SLC2A6: variants seen among roughly 807,000 people sequenced by gnomAD.
SLC2A6 encodes the protein solute carrier family 2 member 6.
In SLC2A6, 39 loss-of-function variants were observed where a neutral mutation model predicts 47.8. The observed-to-expected ratio is 0.82, with a 90% CI of 0.63 to 1.07. The LOEUF is 1.07. Ranked by LOEUF, SLC2A6 falls within the 50% of genes least tolerant of loss-of-function variation. SLC2A6 has a pLI of 0.00. For missense variants in SLC2A6, 650 were observed against 707.6 expected (o/e 0.92, Z 0.92); for synonymous variants, 346 against 324.1 (o/e 1.07, Z -0.73).
Position 133,477,127 on chromosome 9 carries a change from C to T in SLC2A6, c.370G>A (p.Ala124Thr). The part of the protein sequence containing the change: ...FSAVPSAAGY[A>T]LMAGAHGLWM... ...AGGCCGTGCGCACCCGCCATGAGCG[C>T]ATAGCCGGCCGCCGACGGCACAGCT... The change falls in exon 3 of 10, where the codon GCG becomes ACG. Residue 124 changes from alanine (A) to threonine (T), a missense_variant. Coordinates refer to ENST00000371899, the MANE Select transcript of SLC2A6 (RefSeq NM_017585.4). 1.3e-6 allele frequency: 2 copies of T among 1,549,470 alleles called. No individual in the cohort carries two copies. Among genetic ancestry groups the T allele is most frequent in the Non-Finnish European group, 8.7e-7 (1 of 1,146,504 alleles).
At position 133,474,074 on chromosome 9, in the gene SLC2A6, G is replaced by A. The variant is rs200040212; in HGVS notation, c.942C>T (p.Asp314=). 84 of 1,606,012 alleles carry A rather than the reference G, an allele frequency of 5.2e-5. No homozygotes were observed. The African/African-American group carries it at 5.6e-4, about 11-fold the overall frequency. The part of the protein sequence containing the change: ...STAVLLPPKD[D]AAIVGAVRLL... ...GCCGCACGGCCCCAACGATGGCTGCGTCGTCCTTGGGGGGCTATCGGGGGG... is the reference window on the plus strand; with the variant it reads ...GCCGCACGGCCCCAACGATGGCTGCATCGTCCTTGGGGGGCTATCGGGGGG... The change falls in exon 7 of 10, where the codon GAC becomes GAT. Residue 314 remains aspartate (D), a synonymous_variant. Transcript: ENST00000371899.
chr9:133,474,702 C>T (rs1022055013), intron 6 of SLC2A6, among the ~76,000 whole-genome samples: 2 of 152,202 alleles, frequency 1.3e-5, no homozygotes, highest in Non-Finnish European at 2.9e-5. Context: ...GCCTTGGCCT[C>T]GTGTTGGGAT....
At position 133,473,180 on chromosome 9, in the gene SLC2A6, G is replaced by A. The variant is rs372956022; in HGVS notation, c.1293C>T (p.Gly431=). The A allele has an allele frequency of 3.1e-4, 499 of 1,609,608 alleles. No individual in the cohort carries two copies. The highest frequency in any genetic ancestry group is 3.5e-4 in the Non-Finnish European group (416 of 1,178,666). ...MSEVLPLRAR[G]VASGLCVLAS... ...CCAGCACGCAGAGCCCTGAGGCCAC[G>A]CCACGGGCACGCAGGGGCAGGACCT... Residue 431 remains glycine, a synonymous_variant, in exon 9 of 10, where the codon GGC becomes GGT. Coordinates refer to ENST00000371899, the MANE Select transcript of SLC2A6 (RefSeq NM_017585.4).
intron 3 of SLC2A6, 82 bp from the exon 4 acceptor site, chr9:133,476,418 TGAACCC>T: frequency 8.1e-7 from 1 of 1,233,518 alleles, no homozygotes; most frequent in Non-Finnish European, 1.2e-6. Context: ...TCAGCCCCTG[TGAACCC>T]CGGAAAGTGG....
rs1394090659 is a variant in SLC2A6, at chr9:133,473,481, GC to G, written c.1155del (p.Gln385HisfsTer72). 6.2e-7 allele frequency: 1 copy of G among 1,604,106 alleles called. No homozygotes were observed. Among genetic ancestry groups the G allele is most frequent in the Non-Finnish European group, 8.5e-7 (1 of 1,176,822 alleles). ...AGGTAGCCAGCGGGTGCTGCCAGGG[GC>G]TGCGCCAAGTCCCCCCAGGACTCGC... is the stretch of plus-strand genomic sequence containing the variant. ...LESESWGDLA[Q>X]PLAAPAGYLT... On this transcript the variant is annotated frameshift_variant, in exon 8 of 10. Transcript: ENST00000371899. LOFTEE classifies it high-confidence loss of function.
At chr9:133,475,140 C>T (rs1588243406) in intron 5 of SLC2A6, 27 bp from the exon 6 acceptor site, 3 of 1,508,258 alleles carry the variant, frequency 2.0e-6, no homozygotes, top group Non-Finnish European at 2.7e-6. Flanking sequence ...CCGCTGAGGG[C>T]GTTGGGCCAG....
Position 133,477,058 on chromosome 9 carries a change from C to A in SLC2A6, c.439G>T (p.Gly147Trp), listed in dbSNP as rs888362107. 1 of 1,546,748 alleles carries A rather than the reference C, an allele frequency of 6.5e-7. No homozygotes were observed. Among genetic ancestry groups the A allele is most frequent in the Non-Finnish European group, 8.7e-7 (1 of 1,146,256 alleles). The change falls in exon 3 of 10, where the codon GGG (glycine) becomes TGG (tryptophan). Residue 147 changes from glycine to tryptophan, a missense_variant. Gly to Trp is a radical substitution (Grantham distance 184, BLOSUM62 -2). Coordinates refer to ENST00000371899, the MANE Select transcript of SLC2A6 (RefSeq NM_017585.4). ...ACCGGGATGCAGGCAGCTGTGAGCC[C>A]CCCGGCGAAGCCCGTCAGCGTCCTT... Reference protein sequence around the residue: ...LGRTLTGFAGGLTAACIPVYV... With the variant: ...LGRTLTGFAGWLTAACIPVYV...
At chr9:133,476,577 C>T (rs945245388) in intron 3 of SLC2A6, among the ~76,000 whole-genome samples, 9 of 152,156 alleles carry the variant, frequency 5.9e-5, no homozygotes, top group East Asian at 1.9e-4. Context: ...GGCAGCATGA[C>T]GCTGGGAAGG....
At position 133,476,219 on chromosome 9, in the gene SLC2A6, G is replaced by A. The variant is rs1438221688; in HGVS notation, c.562+18C>T. ...CCCTCCCACCAGCCTGCACACAGGA[G>A]TGCGGGGCCATACTTGCCAAGGGCG... is the stretch of plus-strand genomic sequence containing the variant. On this transcript the variant is annotated intron_variant, in intron 4 of 9. Transcript: ENST00000371899. 2 of 1,597,200 alleles carry A rather than the reference G, an allele frequency of 1.3e-6. No individual in the cohort carries two copies. Among genetic ancestry groups the A allele is most frequent in the Non-Finnish European group, 1.7e-6 (2 of 1,166,174 alleles).
chr9:133,478,413 G>A lies in SLC2A6; in HGVS notation c.96C>T (p.Thr32=), dbSNP rs1554803927. The change falls in exon 2 of 10, where the codon ACC becomes ACT. Residue 32 remains threonine, a synonymous_variant. Coordinates refer to ENST00000371899, the MANE Select transcript of SLC2A6 (RefSeq NM_017585.4). ...CCAGGAACACCCTTTTGTTCTGCAG[G>A]GTCCTGGTGATGGTGGCGGACAAAA... ...PSPGDRARVG[T]LQNKRVFLAT... 3.1e-6 allele frequency: 5 copies of A among 1,613,928 alleles called. No individual in the cohort carries two copies. Among genetic ancestry groups the A allele is most frequent in the Non-Finnish European group, 4.2e-6 (5 of 1,179,996 alleles).
In SLC2A6 at chr9:133,472,160, T is replaced by A. The variant is rs781839519; in HGVS notation, c.1385A>T (p.Gln462Leu). Residue 462 changes from glutamine (Q) to leucine (L), a missense_variant, in exon 10 of 10, where the codon CAG becomes CTG. Gln to Leu is a moderately radical substitution (Grantham distance 113, BLOSUM62 -2). Transcript: ENST00000371899. ...GGCCGCGAAGAAGAAGAAAGGCACC[T>A]GGAGGCCGAAGGTGCTCTGCGGGTG... ...FLPVVSTFGL[Q>L]VPFFFFAAIC... 22 of 1,613,026 alleles carry A rather than the reference T, an allele frequency of 1.4e-5. No homozygotes were observed. The highest frequency in any genetic ancestry group is 1.8e-5 in the Non-Finnish European group (21 of 1,179,908).
At chr9:133,475,976 C>T (rs986675973) in intron 4 of SLC2A6, among the ~76,000 whole-genome samples, 8 of 152,242 alleles carry the variant, frequency 5.3e-5, no homozygotes, top group East Asian at 1.9e-4. Context: ...AGCTTTCTGC[C>T]GTTAAAAGAT....
At position 133,476,244 on chromosome 9, in the gene SLC2A6, G is replaced by C. The variant is rs377403588; in HGVS notation, c.555C>G (p.Tyr185Ter). ...LMAVFGSLSL[Y>*]ALGLLLPWRW... Reference sequence around the variant, plus strand: ...GTGCGGGGCCATACTTGCCAAGGGCGTAGAGGGACAGGGATCCGAACACTG... The same window carrying C: ...GTGCGGGGCCATACTTGCCAAGGGCCTAGAGGGACAGGGATCCGAACACTG... Residue 185 changes from tyrosine (Y) to a stop codon, truncating the protein, a stop_gained, in exon 4 of 10, where the codon TAC (tyrosine) becomes TAG (stop). Coordinates refer to ENST00000371899, the MANE Select transcript of SLC2A6 (RefSeq NM_017585.4). LOFTEE classifies it high-confidence loss of function. 1.2e-6 allele frequency: 2 copies of C among 1,612,248 alleles called. No individual in the cohort carries two copies. Among genetic ancestry groups the C allele is most frequent in the Non-Finnish European group, 8.5e-7 (1 of 1,179,462 alleles).
chr9:133,475,388 A>T lies in SLC2A6; in HGVS notation c.774+12T>A. ...GTGGGCCTGCCCGGTTCGGGCGCAC[A>T]CCCTCCTGCACCTGTCTCCGGACGT... On this transcript the variant is annotated intron_variant, in intron 5 of 9. Coordinates refer to ENST00000371899, the MANE Select transcript of SLC2A6 (RefSeq NM_017585.4). 1 of 1,577,216 alleles carries T rather than the reference A, an allele frequency of 6.3e-7. No individual in the cohort carries two copies. Among genetic ancestry groups the T allele is most frequent in the Non-Finnish European group, 8.6e-7 (1 of 1,158,926 alleles).
Position 133,474,970 on chromosome 9 carries a change from A to G in SLC2A6, c.918T>C (p.Ala306=), listed in dbSNP as rs1554802848. The G allele has an allele frequency of 1.3e-6, 2 of 1,568,184 alleles. No individual in the cohort carries two copies. The highest frequency in any genetic ancestry group is 1.8e-5 in the Admixed American group (1 of 54,512). ...VYLQSIFDST[A]VLLPPKDDAA... Reference sequence around the variant, plus strand: ...GGGGCTGGGCTCTCACCAGCAGGACAGCGGTGCTGTCGAAGATGGACTGCA... The same window carrying G: ...GGGGCTGGGCTCTCACCAGCAGGACGGCGGTGCTGTCGAAGATGGACTGCA... The change falls in exon 6 of 10, where the codon GCT becomes GCC. Residue 306 remains alanine (A), a synonymous_variant. Coordinates refer to ENST00000371899, the MANE Select transcript of SLC2A6 (RefSeq NM_017585.4).
At position 133,475,480 on chromosome 9, in the gene SLC2A6, G is replaced by T; in HGVS notation, c.694C>A (p.Arg232=). 1 of 1,611,820 alleles carries T rather than the reference G, an allele frequency of 6.2e-7. No individual in the cohort carries two copies. Among genetic ancestry groups the T allele is most frequent in the Non-Finnish European group, 8.5e-7 (1 of 1,179,896 alleles). The change falls in exon 5 of 10, where the codon CGG becomes AGG. Residue 232 remains arginine, a synonymous_variant. Coordinates refer to ENST00000371899, the MANE Select transcript of SLC2A6 (RefSeq NM_017585.4). ...GTCCCACGCAGCCAGGCCAGCGCCC[G>T]CAGGGCCTCTTCGTCCCTGCCCCGA... ...LSRGRDEEAL[R]ALAWLRGTDV...
chr9:133,473,432 G>A lies in SLC2A6; in HGVS notation c.1205C>T (p.Thr402Ile), dbSNP rs1431587223. The A allele has an allele frequency of 6.2e-7, 1 of 1,603,210 alleles. No individual in the cohort carries two copies. The highest frequency in any genetic ancestry group is 1.1e-5 in the South Asian group (1 of 89,544). The change falls in exon 8 of 10, where the codon ACC becomes ATC. Residue 402 changes from threonine (T) to isoleucine (I), a missense_variant. Coordinates refer to ENST00000371899, the MANE Select transcript of SLC2A6 (RefSeq NM_017585.4). ...GYLTLVPLLA[T>I]MLFIMGYAVG... ...ACACCTACCCATGATGAAGAGCATGGTGGCCAGCAGGGGCACCAGGGTGAG... is the reference window on the plus strand; with the variant it reads ...ACACCTACCCATGATGAAGAGCATGATGGCCAGCAGGGGCACCAGGGTGAG...
intron 3 of SLC2A6, 74 bp downstream of exon 3, chr9:133,476,961 A>T: frequency 4.8e-6 from 7 of 1,450,832 alleles, no homozygotes; most frequent in Non-Finnish European, 6.5e-6. Context: ...GGAGGCTGGG[A>T]GGCCTTAGTC....
rs782659777 is a variant in SLC2A6 at position 133,472,121 on chromosome 9, C to T, written c.1424G>A (p.Ser475Asn). 1.8e-5 allele frequency: 29 copies of T among 1,613,430 alleles called. No individual in the cohort carries two copies. The highest frequency in any genetic ancestry group is 2.3e-5 in the Non-Finnish European group (27 of 1,179,910). Residue 475 changes from serine to asparagine, a missense_variant, in exon 10 of 10, where the codon AGC becomes AAC. By Grantham distance (46) the Ser-to-Asn change is conservative (BLOSUM62 1). Transcript: ENST00000371899. ...CACACAGCAGCCTGTGAACACCAGG[C>T]TCACCAAGCAGATGGCCGCGAAGAA... ...FFFFAAICLVSLVFTGCCVPE... is the reference protein window; with the variant it reads ...FFFFAAICLVNLVFTGCCVPE...
Sources: allele counts gnomAD v4.1 joint callset (sites outside exome capture counted in the v4.1 genomes callset), GRCh38; gene constraint gnomAD v4.1.1; transcripts MANE v1.5; gene names NCBI Gene and HGNC (gene_info 2026-07-23, HGNC 2026-07-21).